CCSER1: variants seen among roughly 807,000 people sequenced by gnomAD.
The protein encoded by CCSER1 is coiled-coil serine rich protein 1.
In CCSER1, 41 loss-of-function variants were observed where a neutral mutation model predicts 82.0. The ratio of observed to expected loss-of-function variants is 0.50; its 90% confidence interval spans 0.39 to 0.65. CCSER1 has a LOEUF of 0.65. Among genes scored for constraint, CCSER1 ranks in the 30% least tolerant of loss-of-function variants. CCSER1 has a pLI of 0.00. For synonymous variants in CCSER1, 414 were observed against 383.9 expected, an observed-to-expected ratio of 1.08 and a Z score of -0.92; for missense variants, 1,119 against 1,064.2, an observed-to-expected ratio of 1.05 and a Z score of -0.72.
chr4:90,707,187 A>G (rs928362291), intron 6 of CCSER1, among the ~76,000 whole-genome samples: 14 of 151,836 alleles, frequency 9.2e-5, no homozygotes, highest in African/African-American at 3.1e-4. Flanking sequence ...AAAATAGTCC[A>G]TGTTTAGACA....
At chr4:91,561,612 G>T (rs1244339327) in intron 10 of CCSER1, among the ~76,000 whole-genome samples, 1 of 151,434 alleles carries the variant, frequency 6.6e-6, no homozygotes, top group Non-Finnish European at 1.5e-5. Flanking sequence ...AGAAATTTAA[G>T]CCCCATGAGG....
intron 1 of CCSER1, among the ~76,000 whole-genome samples, chr4:90,302,936 A>G (rs1733458394): frequency 6.6e-6 from 1 of 152,206 alleles, no homozygotes. Flanking sequence ...CTGGAGATGT[A>G]GACAGCATCC....
At chr4:90,726,445 G>C (rs550079745) in intron 7 of CCSER1, among the ~76,000 whole-genome samples, 1 of 151,972 alleles carries the variant, frequency 6.6e-6, no homozygotes, top group East Asian at 1.9e-4. Flanking sequence ...ATTAAGTATG[G>C]AAAAAAAGAT....
intron 6 of CCSER1, among the ~76,000 whole-genome samples, chr4:90,706,124 A>G (rs767302131): frequency 6.6e-6 from 1 of 152,116 alleles, no homozygotes. Flanking sequence ...ACCACTCCCT[A>G]TGTCTCAATC....
intron 5 of CCSER1, among the ~76,000 whole-genome samples, chr4:90,539,951 C>G (rs1009816170): frequency 4.0e-5 from 6 of 151,762 alleles, no homozygotes; most frequent in African/African-American, 7.3e-5. Flanking sequence ...TTATAGAGAC[C>G]CTTCTATTCT....
intron 10 of CCSER1, among the ~76,000 whole-genome samples, chr4:91,438,664 T>A (rs1051425489): frequency 2.0e-5 from 3 of 152,186 alleles, no homozygotes; most frequent in South Asian, 2.1e-4. Flanking sequence ...AGAAGAAGGC[T>A]TCAGATGATC....
chr4:90,870,214 G>C (rs963263793), intron 8 of CCSER1, among the ~76,000 whole-genome samples: 1 of 151,914 alleles, frequency 6.6e-6, no homozygotes, highest in Non-Finnish European at 1.5e-5. Flanking sequence ...CTCTAGCTAG[G>C]ACTTCCAGTA....
At chr4:90,834,424 A>G (rs1418141550) in intron 8 of CCSER1, among the ~76,000 whole-genome samples, 3 of 152,212 alleles carry the variant, frequency 2.0e-5, no homozygotes, top group Admixed American at 1.3e-4. Flanking sequence ...AATAGTTTCA[A>G]TACAATCTCC....
chr4:90,719,915 T>C (rs1187417334), intron 6 of CCSER1, among the ~76,000 whole-genome samples: 1 of 152,184 alleles, frequency 6.6e-6, no homozygotes, highest in East Asian at 1.9e-4. Context: ...ACTAGCTAAA[T>C]GAATTATTTG....
At chr4:91,291,004 C>G (rs1018539623) in intron 10 of CCSER1, among the ~76,000 whole-genome samples, 2 of 151,584 alleles carry the variant, frequency 1.3e-5, no homozygotes, top group African/African-American at 4.8e-5. Context: ...TCAGAATACT[C>G]TCTTAGAACT....
intron 9 of CCSER1, among the ~76,000 whole-genome samples, chr4:91,069,849 TGAGTAGAAAA>T (rs1349975061): frequency 6.6e-6 from 1 of 152,148 alleles, no homozygotes; most frequent in Non-Finnish European, 1.5e-5. Flanking sequence ...CAGAATCTCT[TGAGTAGAAAA>T]GATTCAGAAA....
At chr4:90,634,576 A>G (rs1725088659) in intron 6 of CCSER1, among the ~76,000 whole-genome samples, 2 of 151,798 alleles carry the variant, frequency 1.3e-5, no homozygotes, top group Admixed American at 6.6e-5. Context: ...TTCAAAGGGC[A>G]TTAATAAGGA....
intron 10 of CCSER1, among the ~76,000 whole-genome samples, chr4:91,309,456 A>G (rs1208666728): frequency 6.6e-6 from 1 of 152,050 alleles, no homozygotes; most frequent in Non-Finnish European, 1.5e-5. Context: ...AGAGAAACAT[A>G]CAATCCGTTT....
chr4:90,996,551 G>A (rs966573485), intron 9 of CCSER1, among the ~76,000 whole-genome samples: 2 of 151,964 alleles, frequency 1.3e-5, no homozygotes, highest in African/African-American at 4.8e-5. Context: ...ATTAGCTGAG[G>A]GAGAATTATG....
At chr4:91,128,886 C>A (rs1333684827) in intron 10 of CCSER1, among the ~76,000 whole-genome samples, 1 of 152,008 alleles carries the variant, frequency 6.6e-6, no homozygotes, top group Non-Finnish European at 1.5e-5. Context: ...ATTGGGAAAT[C>A]TGAATAGTGT....
chr4:90,992,546 A>G (rs1467606742), intron 9 of CCSER1, among the ~76,000 whole-genome samples: 1 of 152,138 alleles, frequency 6.6e-6, no homozygotes, highest in South Asian at 2.1e-4. Flanking sequence ...AGTGTATCAC[A>G]AGACTGAGAT....
chr4:91,433,684 G>A (rs1205163114), intron 10 of CCSER1, among the ~76,000 whole-genome samples: 1 of 152,180 alleles, frequency 6.6e-6, no homozygotes. Context: ...CTGTACCATA[G>A]AGCATAGGTA....
chr4:91,073,326 G>A (rs1721628616), intron 9 of CCSER1, among the ~76,000 whole-genome samples: 1 of 151,810 alleles, frequency 6.6e-6, no homozygotes, highest in African/African-American at 2.4e-5. Context: ...TCAATAAATG[G>A]CTAAAAAAGA....
At chr4:91,070,703 A>T (rs1431871390) in intron 9 of CCSER1, among the ~76,000 whole-genome samples, 1 of 152,152 alleles carries the variant, frequency 6.6e-6, no homozygotes, top group Non-Finnish European at 1.5e-5. Flanking sequence ...ATGCCTGATG[A>T]TCTGAGGTTG....
Sources: allele counts gnomAD v4.1 joint callset (sites outside exome capture counted in the v4.1 genomes callset), GRCh38; gene constraint gnomAD v4.1.1; transcripts MANE v1.5; gene names NCBI Gene and HGNC (gene_info 2026-07-23, HGNC 2026-07-21).